The following PLCH1 variants were observed in gnomAD, a reference collection of about 807,000 sequenced individuals.
PLCH1 encodes phospholipase C eta 1, also known as 1-phosphatidylinositol 4,5-bisphosphate phosphodiesterase eta-1.
In PLCH1, 60 loss-of-function variants were observed where a neutral mutation model predicts 126.7. That is an observed-to-expected ratio of 0.47 (90% CI 0.38 to 0.59). The LOEUF is 0.59. PLCH1 is among the 20% of genes least tolerant of loss of function. The probability of loss-of-function intolerance (pLI) is 0.00; values close to 1 mark genes in which losing one functional copy is unlikely to be tolerated. For missense variants in PLCH1, 1,723 were observed against 2,040.0 expected (o/e 0.84, Z 2.99); for synonymous variants, 719 against 734.9 (o/e 0.98, Z 0.35).
At chr3:155,638,447 C>T (rs917062143) in intron 2 of PLCH1, among the ~76,000 whole-genome samples, 1 of 152,204 alleles carries the variant, frequency 6.6e-6, no homozygotes, top group East Asian at 1.9e-4. Flanking sequence ...ATTTGGTTTG[C>T]TTTCTTTTAG....
intron 2 of PLCH1, among the ~76,000 whole-genome samples, chr3:155,607,619 T>C (rs917998206): frequency 1.3e-5 from 2 of 152,184 alleles, no homozygotes; most frequent in Non-Finnish European, 2.9e-5. Flanking sequence ...TTTTGTATTT[T>C]TTCATAAAAA....
intron 2 of PLCH1, among the ~76,000 whole-genome samples, chr3:155,613,794 C>A (rs1735438671): frequency 7.0e-6 from 1 of 142,084 alleles, no homozygotes. Context: ...CTACTGAAGT[C>A]CTAGTCAGAG....
chr3:155,474,984 G>A (rs1427607365), downstream of PLCH1, among the ~76,000 whole-genome samples: 2 of 138,280 alleles, frequency 1.4e-5, no homozygotes, highest in South Asian at 2.5e-4. Flanking sequence ...GCTAGATGAC[G>A]AGTTAGTGGG....
chr3:155,501,552 G>T (rs908085127), intron 13 of PLCH1, among the ~76,000 whole-genome samples: 2 of 152,104 alleles, frequency 1.3e-5, no homozygotes, highest in South Asian at 2.1e-4. Context: ...CAGCACTTTG[G>T]GGGGCTGAGG....
At chr3:155,504,734 T>C (rs981137643) in intron 12 of PLCH1, 108 bp from the exon 13 acceptor site, 11 of 700,142 alleles carry the variant, frequency 1.6e-5, no homozygotes, top group Non-Finnish European at 2.8e-5. Flanking sequence ...TGTTTGCCTC[T>C]AGGTGAGAAA....
chr3:155,547,466 G>A (rs1167351672), intron 10 of PLCH1, among the ~76,000 whole-genome samples: 1 of 140,544 alleles, frequency 7.1e-6, no homozygotes, highest in African/African-American at 2.6e-5. Flanking sequence ...TTCAACCATT[G>A]TGGAAGTCAG....
chr3:155,483,555 T>C lies in PLCH1; in HGVS notation c.2975-504A>G, dbSNP rs116278701. ...TTTTCAAAACATTTTGGGAGCATATTTAATTTAGTCAATTAATTTCTAAAA... is the reference window on the plus strand; with the variant it reads ...TTTTCAAAACATTTTGGGAGCATATCTAATTTAGTCAATTAATTTCTAAAA... On this transcript the variant is annotated intron_variant, in intron 22 of 22. Coordinates refer to ENST00000460012, the MANE Select transcript of PLCH1 (RefSeq NM_014996.4). Among the ~76,000 whole-genome samples the C allele has an allele frequency of 6.1e-3, 933 of 152,278 alleles. 11 individuals carry two copies. Among genetic ancestry groups the C allele is most frequent in the African/African-American group, 0.021 (866 of 41,560 alleles).
intron 2 of PLCH1, among the ~76,000 whole-genome samples, chr3:155,682,409 C>G (rs1189195801): frequency 2.0e-5 from 3 of 152,158 alleles, no homozygotes; most frequent in African/African-American, 7.2e-5. Flanking sequence ...GAATGCTACT[C>G]TGAGTTCATA....
rs73876906 is a variant in PLCH1 at position 155,664,315 on chromosome 3, G to A, written c.79+39831C>T. On this transcript the variant is annotated intron_variant, in intron 2 of 22. Coordinates refer to ENST00000460012, the MANE Select transcript of PLCH1 (RefSeq NM_014996.4). ...CAGCTGCATAATGTCTGAACTATAG[G>A]GCTCTAAAAAGAGATTTCAACCCTT... is the stretch of plus-strand genomic sequence containing the variant. Among the ~76,000 whole-genome samples the A allele has an allele frequency of 6.9e-3, 1,049 of 152,240 alleles. 15 individuals are homozygous for A. The highest frequency in any genetic ancestry group is 0.024 in the African/African-American group (998 of 41,528).
Position 155,554,131 on chromosome 3 carries a change from T to G in PLCH1, c.1135A>C (p.Ile379Leu), listed in dbSNP as rs143025529. Residue 379 changes from isoleucine to leucine, a missense_variant, in exon 9 of 23, where the codon ATT (isoleucine) becomes CTT (leucine). By Grantham distance (5) the Ile-to-Leu change is conservative. Transcript: ENST00000460012. Reference protein sequence around the residue: ...VHHGYTLTSKILFRDVVETIN... With the variant: ...VHHGYTLTSKLLFRDVVETIN... ...GTCTCCACAACATCTCTGAAGAGAA[T>G]TTTTGAAGTGAGAGTGTAACCATGA... 2.5e-6 allele frequency: 4 copies of G among 1,613,848 alleles called. No homozygotes were observed. The South Asian group carries it at 3.3e-5, about 13-fold the overall frequency.
chr3:155,497,269 A>C (rs745599023), intron 15 of PLCH1, 51 bp downstream of exon 15: 2 of 1,225,000 alleles, frequency 1.6e-6, no homozygotes, highest in Non-Finnish European at 1.2e-6. Flanking sequence ...TTGAAAAAGA[A>C]AGGTCAAGAA....
At chr3:155,616,177 C>A (rs778188763) in intron 2 of PLCH1, among the ~76,000 whole-genome samples, 1 of 152,116 alleles carries the variant, frequency 6.6e-6, no homozygotes, top group Non-Finnish European at 1.5e-5. Context: ...AAATTACTTA[C>A]ACTAAAAATA....
intron 21 of PLCH1, among the ~76,000 whole-genome samples, chr3:155,472,223 C>A (rs1713293804): frequency 6.6e-6 from 1 of 151,676 alleles, no homozygotes; most frequent in South Asian, 2.1e-4. Flanking sequence ...CAAATAGACA[C>A]AATAAAAAAT....
At chr3:155,705,983 G>T (rs1704690837) in intron 1 of PLCH1, among the ~76,000 whole-genome samples, 1 of 151,702 alleles carries the variant, frequency 6.6e-6, no homozygotes, top group Non-Finnish European at 1.5e-5. Flanking sequence ...AGCCCAGCCT[G>T]GCCAACATAG....
chr3:155,650,737 T>C (rs560557677), intron 2 of PLCH1, among the ~76,000 whole-genome samples: 1 of 152,320 alleles, frequency 6.6e-6, no homozygotes, highest in East Asian at 1.9e-4. Context: ...AAGAAGAAAT[T>C]ACCAATAAAC....
chr3:155,618,691 G>A (rs184255710), intron 2 of PLCH1, among the ~76,000 whole-genome samples: 1 of 152,228 alleles, frequency 6.6e-6, no homozygotes, highest in East Asian at 1.9e-4. Context: ...CTGTTGCCCA[G>A]GCTAGAGGGC....
chr3:155,619,884 C>G (rs1736248029), intron 2 of PLCH1, among the ~76,000 whole-genome samples: 1 of 152,064 alleles, frequency 6.6e-6, no homozygotes, highest in South Asian at 2.1e-4. Flanking sequence ...AAAAATAGAA[C>G]TCTGTGTGGT....
intron 10 of PLCH1, among the ~76,000 whole-genome samples, chr3:155,533,840 G>A (rs967949584): frequency 3.9e-5 from 6 of 152,236 alleles, no homozygotes; most frequent in Admixed American, 2.6e-4. Context: ...ATTCAGCTCA[G>A]GCCATTGCTT....
chr3:155,543,924 C>G (rs1438537686), intron 10 of PLCH1, among the ~76,000 whole-genome samples: 2 of 152,102 alleles, frequency 1.3e-5, no homozygotes, highest in African/African-American at 2.4e-5. Context: ...GTACCAGCCA[C>G]TGCAAAATCA....
Sources: gnomAD v4.1 joint callset for allele counts (sites outside exome capture counted in the v4.1 genomes callset) on GRCh38, gnomAD v4.1.1 for gene constraint, MANE v1.5 for transcripts, NCBI Gene and HGNC (gene_info 2026-07-23, HGNC 2026-07-21) for gene names.